PIK3C2G: variants seen among roughly 807,000 people sequenced by gnomAD.
PIK3C2G encodes the protein phosphatidylinositol-4-phosphate 3-kinase catalytic subunit type 2 gamma, also known as phosphatidylinositol 3-kinase C2 domain-containing subunit gamma.
In PIK3C2G, 168 loss-of-function variants were observed where a neutral mutation model predicts 181.1. That is an observed-to-expected ratio of 0.93 (90% CI 0.82 to 1.05). The LOEUF (loss-of-function observed/expected upper bound fraction) is 1.05. Ranked by LOEUF, PIK3C2G falls within the 50% of genes least tolerant of loss-of-function variation. The probability of loss-of-function intolerance (pLI) is 0.00; values close to 1 mark genes in which losing one functional copy is unlikely to be tolerated. For missense variants in PIK3C2G, 1,869 were observed against 1,732.8 expected (o/e 1.08, Z -1.40); for synonymous variants, 573 against 592.2 (o/e 0.97, Z 0.47).
At chr12:18,490,798 A>G (rs1463408225) in intron 19 of PIK3C2G, among the ~76,000 whole-genome samples, 1 of 152,144 alleles carries the variant, frequency 6.6e-6, no homozygotes, top group Non-Finnish European at 1.5e-5. Context: ...GATGAATTGT[A>G]ATTATTTCCT....
intron 18 of PIK3C2G, among the ~76,000 whole-genome samples, chr12:18,453,532 T>C (rs1947474764): frequency 6.6e-6 from 1 of 152,146 alleles, no homozygotes; most frequent in Non-Finnish European, 1.5e-5. Flanking sequence ...CCTGTGCTTT[T>C]AATAATTGAC....
the PIK3C2G span, among the ~76,000 whole-genome samples, chr12:18,675,343 A>C: frequency 6.6e-6 from 1 of 152,152 alleles, no homozygotes; most frequent in East Asian, 1.9e-4. Flanking sequence ...CCATTATAGA[A>C]GTCTAGGTAC....
chr12:18,641,680 T>C (rs1949845363), intron 32 of PIK3C2G, among the ~76,000 whole-genome samples: 1 of 151,714 alleles, frequency 6.6e-6, no homozygotes, highest in Non-Finnish European at 1.5e-5. Flanking sequence ...AAAGTTTTAT[T>C]TATCACCTAT....
the PIK3C2G span, among the ~76,000 whole-genome samples, chr12:18,662,485 A>G: frequency 1.3e-5 from 2 of 152,230 alleles, no homozygotes; most frequent in South Asian, 4.1e-4. Context: ...TTGAAATAAA[A>G]GAGCATTACA....
At chr12:18,596,378 A>C (rs948226121) in intron 30 of PIK3C2G, among the ~76,000 whole-genome samples, 1 of 152,110 alleles carries the variant, frequency 6.6e-6, no homozygotes, top group Non-Finnish European at 1.5e-5. Context: ...GTAACCAAAA[A>C]AGTTGCTGGA....
rs117886597 is a variant in PIK3C2G, at chr12:18,578,717, T to C, written c.4011+11660T>C. On this transcript the variant is annotated intron_variant, in intron 29 of 32. Transcript: ENST00000538779. ...CCTTTCTTCATATATATTAACATAG[T>C]TATATCTACATAAACATTAGAATTT... 5.9e-3 allele frequency among the ~76,000 whole-genome samples: 892 copies of C among 152,294 alleles called. 18 individuals carry two copies. The highest frequency in any genetic ancestry group is 0.026 in the East Asian group (134 of 5,188).
rs114550120 is a variant in PIK3C2G, at chr12:18,480,021, A to G, written c.2505-8428A>G. ...CAAGGACTATTTGGAAGCCCAGGACACCACAGAAGAGAGCAGAACAAGGTG... is the reference window on the plus strand; with the variant it reads ...CAAGGACTATTTGGAAGCCCAGGACGCCACAGAAGAGAGCAGAACAAGGTG... On this transcript the variant is annotated intron_variant, in intron 18 of 32. Coordinates refer to ENST00000538779, the MANE Select transcript of PIK3C2G (RefSeq NM_001288772.2). 6.7e-3 allele frequency among the ~76,000 whole-genome samples: 1,019 copies of G among 152,254 alleles called. 13 individuals carry two copies. Among genetic ancestry groups the G allele is most frequent in the African/African-American group, 0.024 (989 of 41,550 alleles).
chr12:18,500,152 G>A (rs1941315593), intron 22 of PIK3C2G, among the ~76,000 whole-genome samples: 1 of 152,214 alleles, frequency 6.6e-6, no homozygotes, highest in South Asian at 2.1e-4. Flanking sequence ...TGGAGGGAGA[G>A]GCGCGGCCGG....
At chr12:18,599,815 A>G (rs1947609427) in intron 30 of PIK3C2G, among the ~76,000 whole-genome samples, 1 of 151,968 alleles carries the variant, frequency 6.6e-6, no homozygotes, top group African/African-American at 2.4e-5. Flanking sequence ...ATCTTGATGA[A>G]GAAAAAGAGG....
At chr12:18,583,461 C>T (rs573241035) in intron 29 of PIK3C2G, among the ~76,000 whole-genome samples, 2 of 152,190 alleles carry the variant, frequency 1.3e-5, no homozygotes, top group African/African-American at 4.8e-5. Context: ...ACAGTAACAG[C>T]TCTGCAAATC....
chr12:18,431,922 G>C (rs996883806), intron 18 of PIK3C2G, among the ~76,000 whole-genome samples: 1 of 152,108 alleles, frequency 6.6e-6, no homozygotes, highest in African/African-American at 2.4e-5. Context: ...AAAAGCAACT[G>C]TTCTCTATCC....
intron 21 of PIK3C2G, among the ~76,000 whole-genome samples, chr12:18,496,411 G>GAT (rs1941018467): frequency 6.6e-6 from 1 of 152,146 alleles, no homozygotes; most frequent in Non-Finnish European, 1.5e-5. Context: ...TAAATGAAGT[G>GAT]ATATGATTGC....
At chr12:18,706,906 A>G in the PIK3C2G span, among the ~76,000 whole-genome samples, 13 of 152,208 alleles carry the variant, frequency 8.5e-5, no homozygotes, top group Admixed American at 5.2e-4. Context: ...CTGGTCTCAA[A>G]TCAAGGTGTT....
chr12:18,659,656 C>G, the PIK3C2G span, among the ~76,000 whole-genome samples: 3 of 139,342 alleles, frequency 2.2e-5, no homozygotes, highest in Admixed American at 1.5e-4. Flanking sequence ...TGGAATAGTT[C>G]TCCATTCTTT....
At chr12:18,320,843 G>A (rs1951078014) in intron 6 of PIK3C2G, 119 bp from the exon 7 acceptor site, 1 of 638,320 alleles carries the variant, frequency 1.6e-6, no homozygotes, top group Non-Finnish European at 2.8e-6. Context: ...ATATAAAAGC[G>A]ATGAATGAGG....
intron 31 of PIK3C2G, among the ~76,000 whole-genome samples, chr12:18,623,338 A>T (rs1354378434): frequency 1.3e-5 from 2 of 151,698 alleles, no homozygotes; most frequent in Admixed American, 1.3e-4. Context: ...ACTCTTGTTG[A>T]TCAATTGACT....
At chr12:18,687,402 G>A in the PIK3C2G span, among the ~76,000 whole-genome samples, 2 of 152,116 alleles carry the variant, frequency 1.3e-5, no homozygotes, top group Non-Finnish European at 2.9e-5. Flanking sequence ...TCAAGAATCA[G>A]TTCCAATGTC....
At chr12:18,301,114 C>T (rs1158869412) in intron 5 of PIK3C2G, among the ~76,000 whole-genome samples, 1 of 152,124 alleles carries the variant, frequency 6.6e-6, no homozygotes, top group African/African-American at 2.4e-5. Context: ...TGACTCAATG[C>T]TTTTCCCTTG....
chr12:18,309,478 A>G (rs1445041441), intron 5 of PIK3C2G, among the ~76,000 whole-genome samples: 1 of 151,850 alleles, frequency 6.6e-6, no homozygotes, highest in East Asian at 1.9e-4. Context: ...TTTGACTGCC[A>G]AACACCTGTC....
Sources: gnomAD v4.1 joint callset for allele counts (sites outside exome capture counted in the v4.1 genomes callset) on GRCh38, gnomAD v4.1.1 for gene constraint, MANE v1.5 for transcripts, NCBI Gene and HGNC (gene_info 2026-07-23, HGNC 2026-07-21) for gene names.